The following FLNB variants were observed in gnomAD, a reference collection of about 807,000 sequenced individuals.
The protein encoded by FLNB is filamin-B.
A neutral mutation model predicts 250.6 loss-of-function variants in FLNB; 111 were observed. That is an observed-to-expected ratio of 0.44 (90% confidence interval 0.38 to 0.52). The LOEUF is 0.52. FLNB is among the 20% of genes least tolerant of loss of function. The pLI is 0.00. For synonymous variants in FLNB, 1,302 were observed against 1,372.1 expected (o/e 0.95, Z 1.13); for missense variants, 2,869 against 3,447.8 (o/e 0.83, Z 4.20).
intron 2 of FLNB, among the ~76,000 whole-genome samples, chr3:58,078,006 T>G (rs993626771): frequency 2.6e-5 from 4 of 152,150 alleles, no homozygotes; most frequent in African/African-American, 9.7e-5. Flanking sequence ...CCATTTACTG[T>G]GTATTCTGTA....
rs564818104 is a variant in FLNB at position 58,092,808 on chromosome 3, T to C, written c.788-2028T>C. The stretch of plus-strand genomic sequence containing the variant: ...CTCACAGCTAAAGAAAAAAAACTTT[T>C]CTCATCTTCTCTACTACTCCTCTCA... On this transcript the variant is annotated intron_variant, in intron 4 of 45. Transcript: ENST00000295956. Among the ~76,000 whole-genome samples the C allele has an allele frequency of 5.3e-5, 8 of 152,350 alleles. No individual in the cohort carries two copies. In the East Asian group the frequency reaches 1.5e-3, roughly 29 times the overall value.
At chr3:58,147,948 A>C (rs1168268112) in intron 34 of FLNB, among the ~76,000 whole-genome samples, 1 of 152,186 alleles carries the variant, frequency 6.6e-6, no homozygotes, top group African/African-American at 2.4e-5. Flanking sequence ...ACCTGGCCCA[A>C]AGATTCCTTT....
intron 1 of FLNB, among the ~76,000 whole-genome samples, chr3:58,049,249 C>T (rs1344178183): frequency 6.6e-6 from 1 of 152,246 alleles, no homozygotes; most frequent in African/African-American, 2.4e-5. Flanking sequence ...CACGTCCCAC[C>T]GCCTTCTCGG....
At chr3:58,063,084 C>T (rs544008242) in intron 1 of FLNB, among the ~76,000 whole-genome samples, 55 of 152,286 alleles carry the variant, frequency 3.6e-4, no homozygotes, top group African/African-American at 1.2e-3. Context: ...CACAGGGAAT[C>T]GACCCACTCA....
rs375446981 is a variant in FLNB at position 58,008,561 on chromosome 3, C to T, written c.-4C>T. ...TTGCGCATTGCGCTCTCCCCGCCAC[C>T]AGGATGCCGGTAACCGAGAAGGATC... On this transcript the variant is annotated 5_prime_UTR_variant, in exon 1 of 46. Coordinates refer to ENST00000295956, the MANE Select transcript of FLNB (RefSeq NM_001457.4). 7.9e-5 allele frequency: 125 copies of T among 1,585,836 alleles called. No individual in the cohort carries two copies. Among genetic ancestry groups the T allele is most frequent in the Non-Finnish European group, 1.0e-4 (122 of 1,166,974 alleles).
chr3:58,083,933 A>C (rs1314961323), intron 4 of FLNB, among the ~76,000 whole-genome samples: 2 of 151,926 alleles, frequency 1.3e-5, no homozygotes, highest in Non-Finnish European at 2.9e-5. Flanking sequence ...GGTGGCTCAC[A>C]CCTGTAATCC....
At chr3:58,018,524 T>G (rs1029018301) in intron 1 of FLNB, among the ~76,000 whole-genome samples, 8 of 150,968 alleles carry the variant, frequency 5.3e-5, no homozygotes, top group Admixed American at 2.0e-4. Context: ...TATTTTTATT[T>G]ATTTATTTTA....
intron 1 of FLNB, among the ~76,000 whole-genome samples, chr3:58,030,734 C>T (rs138857986): frequency 0.012 from 1,757 of 152,156 alleles, 19 homozygotes; most frequent in Non-Finnish European, 0.015. Context: ...ATTAGCTAGG[C>T]GTGGTAGCAG....
chr3:58,079,661 A>G (rs1044464147), intron 3 of FLNB, among the ~76,000 whole-genome samples: 4 of 152,254 alleles, frequency 2.6e-5, no homozygotes, highest in African/African-American at 9.6e-5. Flanking sequence ...AAGAGAACTC[A>G]GAAATCAAAT....
At chr3:58,064,162 C>T (rs116754645) in intron 1 of FLNB, among the ~76,000 whole-genome samples, 317 of 152,176 alleles carry the variant, frequency 2.1e-3, no homozygotes, top group African/African-American at 7.0e-3. Flanking sequence ...TTTTTTGAGA[C>T]GAAGTTTCAC....
chr3:58,150,380 T>C, intron 38 of FLNB, 153 bp downstream of exon 38: 1 of 825,778 alleles, frequency 1.2e-6, no homozygotes, highest in Non-Finnish European at 2.0e-6. Context: ...ATTATGTTCT[T>C]CTATGTTTAT....
intron 1 of FLNB, among the ~76,000 whole-genome samples, chr3:58,066,749 T>G (rs2097186206): frequency 6.6e-6 from 1 of 152,114 alleles, no homozygotes; most frequent in African/African-American, 2.4e-5. Context: ...AGGCATTGGG[T>G]GATGAAAATG....
intron 35 of FLNB, 92 bp from the exon 36 acceptor site, chr3:58,148,557 A>G (rs2097339704): frequency 7.6e-7 from 1 of 1,309,068 alleles, no homozygotes; most frequent in East Asian, 2.3e-5. Context: ...GGGTGTCAGG[A>G]AAGAGGACAT....
chr3:58,087,632 A>G (rs182575929), intron 4 of FLNB, among the ~76,000 whole-genome samples: 2 of 151,758 alleles, frequency 1.3e-5, no homozygotes, highest in East Asian at 3.9e-4. Context: ...TTGTAGTTTT[A>G]GTAGAGATGG....
chr3:58,020,839 C>T (rs1310296645), intron 1 of FLNB, among the ~76,000 whole-genome samples: 1 of 151,860 alleles, frequency 6.6e-6, no homozygotes, highest in East Asian at 1.9e-4. Flanking sequence ...TGTAAATTTG[C>T]CGCAAGCCCA....
intron 1 of FLNB, among the ~76,000 whole-genome samples, chr3:58,042,560 G>A (rs1455134590): frequency 1.3e-5 from 2 of 151,896 alleles, no homozygotes; most frequent in African/African-American, 4.8e-5. Context: ...TGTCACCCAG[G>A]CCAGAATGCA....
Position 58,130,646 on chromosome 3 carries a change from C to T in FLNB, c.4223-95C>T, listed in dbSNP as rs547674649. On this transcript the variant is annotated intron_variant, in intron 24 of 45. Transcript: ENST00000295956. Reference sequence around the variant, plus strand: ...GGGAGCTGACCGAGGCCTGCATGGCCGAGGTCCCGGGGGAGCAGCAGTGCT... The same window carrying T: ...GGGAGCTGACCGAGGCCTGCATGGCTGAGGTCCCGGGGGAGCAGCAGTGCT... The T allele has an allele frequency of 3.0e-4, 403 of 1,336,648 alleles. 4 individuals carry two copies. In the South Asian group the frequency reaches 3.7e-3, roughly 12 times the overall value. 82.8% of individuals were successfully genotyped at this position (1,336,648 alleles called of 1,614,324 possible).
chr3:58,064,586 A>G (rs958605259), intron 1 of FLNB, among the ~76,000 whole-genome samples: 1 of 152,086 alleles, frequency 6.6e-6, no homozygotes, highest in Admixed American at 6.6e-5. Flanking sequence ...GGTTTGGGTA[A>G]ATAAGAGCAG....
Position 58,170,840 on chromosome 3 carries a change from C to A in FLNB, c.*78C>A. The A allele has an allele frequency of 7.3e-7, 1 of 1,370,868 alleles. No individual in the cohort carries two copies. Among genetic ancestry groups the A allele is most frequent in the Non-Finnish European group, 1.0e-6 (1 of 979,584 alleles). The allele number at this position is 1,370,868 out of a possible 1,614,324, so 84.9% of individuals were successfully genotyped here. ...TTTGTAATTCATTTTATACAAAGCC[C>A]TCCAGCCTGTTTGTGGGGCTGAAAC... On this transcript the variant is annotated 3_prime_UTR_variant, in exon 46 of 46. Transcript: ENST00000295956.
Sources: gnomAD v4.1 joint callset for allele counts (sites outside exome capture counted in the v4.1 genomes callset) on GRCh38, gnomAD v4.1.1 for gene constraint, MANE v1.5 for transcripts, NCBI Gene and HGNC (gene_info 2026-07-23, HGNC 2026-07-21) for gene names.